The following BICD1 variants were observed in gnomAD, a reference collection of about 807,000 sequenced individuals.
BICD1 encodes the protein BICD cargo adaptor 1, also known as protein bicaudal D homolog 1.
In BICD1, 35 loss-of-function variants were observed where a neutral mutation model predicts 92.5. The ratio of observed to expected loss-of-function variants is 0.38; its 90% CI spans 0.29 to 0.50. The LOEUF is 0.50. BICD1 is among the 20% of genes least tolerant of loss of function. The pLI is 0.93. For missense variants in BICD1, 950 were observed against 1,189.8 expected (o/e 0.80, Z 2.97); for synonymous variants, 429 against 465.1 (o/e 0.92, Z 1.00).
intron 2 of BICD1, among the ~76,000 whole-genome samples, chr12:32,283,803 A>G (rs1180524036): frequency 6.6e-6 from 1 of 152,210 alleles, no homozygotes; most frequent in African/African-American, 2.4e-5. Flanking sequence ...TTGAGGATTG[A>G]GAAGTCTGGG....
intron 1 of BICD1, among the ~76,000 whole-genome samples, chr12:32,177,748 A>ACATAAATATATTTATATATT (rs1944151793): frequency 7.2e-6 from 1 of 138,058 alleles, no homozygotes; most frequent in Non-Finnish European, 1.5e-5. Flanking sequence ...TATATAAAAT[A>ACATAAATATATTTATATATT]TATATAAATA....
intron 1 of BICD1, among the ~76,000 whole-genome samples, chr12:32,192,059 A>G (rs1944584536): frequency 6.6e-6 from 1 of 152,206 alleles, no homozygotes; most frequent in South Asian, 2.1e-4. Context: ...AGATAGGCCT[A>G]TTGTGTCAAA....
At chr12:32,340,235 T>C (rs1938311475) in intron 8 of BICD1, 1 of 985,326 alleles carries the variant, frequency 1.0e-6, no homozygotes, top group Admixed American at 6.1e-5. Flanking sequence ...TTTCACGTTC[T>C]AAAGGTGTTT....
chr12:32,365,784 G>A (rs1367108183), intron 8 of BICD1, among the ~76,000 whole-genome samples: 2 of 152,156 alleles, frequency 1.3e-5, no homozygotes, highest in Non-Finnish European at 2.9e-5. Flanking sequence ...AAGGAGCAAA[G>A]ATTTTTAAAA....
At chr12:32,273,402 A>T (rs1301415266) in intron 2 of BICD1, among the ~76,000 whole-genome samples, 1 of 152,304 alleles carries the variant, frequency 6.6e-6, no homozygotes, top group African/African-American at 2.4e-5. Flanking sequence ...GTACCAGCAG[A>T]CACAGAGGGG....
At chr12:32,326,697 C>G (rs1246968927) in intron 4 of BICD1, among the ~76,000 whole-genome samples, 1 of 152,112 alleles carries the variant, frequency 6.6e-6, no homozygotes, top group Non-Finnish European at 1.5e-5. Context: ...CCAGCCTGGA[C>G]AACATAGCAA....
chr12:32,226,907 G>A (rs1340181864), intron 2 of BICD1, among the ~76,000 whole-genome samples: 1 of 152,204 alleles, frequency 6.6e-6, no homozygotes, highest in Non-Finnish European at 1.5e-5. Flanking sequence ...AGCCTGGCGG[G>A]GAAGGGAATG....
chr12:32,254,628 G>T (rs1409099476), intron 2 of BICD1, among the ~76,000 whole-genome samples: 2 of 152,184 alleles, frequency 1.3e-5, no homozygotes, highest in Non-Finnish European at 2.9e-5. Context: ...GCAGCACATT[G>T]TGTGGTCACT....
At chr12:32,359,334 T>A (rs1008026689) in intron 8 of BICD1, among the ~76,000 whole-genome samples, 1 of 152,164 alleles carries the variant, frequency 6.6e-6, no homozygotes, top group Non-Finnish European at 1.5e-5. Flanking sequence ...AGAAAAGGAA[T>A]TTGTCATTTG....
intron 2 of BICD1, among the ~76,000 whole-genome samples, chr12:32,256,411 AT>A (rs1380655483): frequency 2.0e-5 from 3 of 152,164 alleles, no homozygotes; most frequent in African/African-American, 7.2e-5. Flanking sequence ...TATGATTATC[AT>A]CCCCACTTTG....
Position 32,305,391 on chromosome 12 carries a change from ACT to A in BICD1, c.580-303_580-302del, listed in dbSNP as rs534955594. Among the ~76,000 whole-genome samples, 6 of 151,846 alleles carry A rather than the reference ACT, an allele frequency of 4.0e-5. No individual in the cohort carries two copies. The East Asian group carries it at 9.7e-4, about 25-fold the overall frequency. Reference sequence around the variant, plus strand: ...TATGAAAGAAATCCTAAGACAATAGACTCTTCATCTCTGCTAAAAATTGAATT... The same window carrying A: ...TATGAAAGAAATCCTAAGACAATAGACTTCATCTCTGCTAAAAATTGAATT... On this transcript the variant is annotated intron_variant, in intron 3 of 9. Transcript: ENST00000652176.
rs113039949 is a variant in BICD1, at chr12:32,293,888, C to T, written c.427-106C>T. ...TTCGAAAAAATGCAGTAACAATTTA[C>T]ACCCCATGAGGTGTTTTTATTATTA... On this transcript the variant is annotated intron_variant, in intron 2 of 9. Coordinates refer to ENST00000652176, the MANE Select transcript of BICD1 (RefSeq NM_001714.4). 2.4e-4 allele frequency: 283 copies of T among 1,164,662 alleles called. 1 individual carries two copies. In the African/African-American group the frequency reaches 4.1e-3, roughly 17 times the overall value. 72.1% of individuals were successfully genotyped at this position (1,164,662 alleles called of 1,614,324 possible).
intron 2 of BICD1, among the ~76,000 whole-genome samples, chr12:32,252,082 T>TATGAA (rs58415327): frequency 3.9e-5 from 1 of 25,908 alleles, no homozygotes; most frequent in Non-Finnish European, 6.9e-5. Flanking sequence ...TAATATATAT[T>TATGAA]TATAAATATA....
Position 32,367,694 on chromosome 12 carries a change from T to A in BICD1, c.2789T>A (p.Val930Glu), listed in dbSNP as rs919170528. The A allele has an allele frequency of 6.2e-7, 1 of 1,614,050 alleles. No individual in the cohort carries two copies. The highest frequency in any genetic ancestry group is 1.3e-5 in the African/African-American group (1 of 74,950). The change falls in exon 9 of 10, where the codon GTA becomes GAA. Residue 930 changes from valine to glutamate, a missense_variant. Coordinates refer to ENST00000652176, the MANE Select transcript of BICD1 (RefSeq NM_001714.4). The part of the protein sequence containing the change: ...PPDCQQPAAS[V>E]PPQCSQLAGR... ...GATTGTCAGCAGCCTGCTGCCTCCG[T>A]ACCGCCACAGTGCTCACAACTAGCC...
At chr12:32,140,717 A>AC (rs1942889834) in intron 1 of BICD1, among the ~76,000 whole-genome samples, 2 of 152,262 alleles carry the variant, frequency 1.3e-5, no homozygotes, top group Non-Finnish European at 2.9e-5. Context: ...AAAAAGCAAA[A>AC]TGTTGGGGTT....
chr12:32,263,230 C>T (rs750361661), intron 2 of BICD1, among the ~76,000 whole-genome samples: 1 of 152,074 alleles, frequency 6.6e-6, no homozygotes, highest in East Asian at 1.9e-4. Flanking sequence ...CAAAGGACTT[C>T]TATTTCATGA....
intron 1 of BICD1, among the ~76,000 whole-genome samples, chr12:32,126,867 C>A (rs1374489802): frequency 6.6e-6 from 1 of 152,154 alleles, no homozygotes; most frequent in Non-Finnish European, 1.5e-5. Context: ...TCACTTCATA[C>A]CTTGTGGCTC....
chr12:32,352,093 T>C (rs1049042597), intron 8 of BICD1, among the ~76,000 whole-genome samples: 7 of 151,596 alleles, frequency 4.6e-5, no homozygotes, highest in Non-Finnish European at 8.8e-5. Flanking sequence ...TAATCCCAGC[T>C]ACTCAGGAGG....
rs1948429859 is a variant in BICD1 at position 32,313,512 on chromosome 12, G to A, written c.1005+7390G>A. On this transcript the variant is annotated intron_variant, in intron 4 of 9. Coordinates refer to ENST00000652176, the MANE Select transcript of BICD1 (RefSeq NM_001714.4). The surrounding 1 kb of genome is among the most constrained non-coding windows in gnomAD (Gnocchi z 4.2). ...GTGGAGTTGCTACACAGAGACAGTC[G>A]AACAAGTGAAATATTATCTCTGCTT... Among the ~76,000 whole-genome samples, 1 of 152,058 alleles carries A rather than the reference G, an allele frequency of 6.6e-6. No individual in the cohort carries two copies. The highest frequency in any genetic ancestry group is 6.6e-5 in the Admixed American group (1 of 15,258).
Sources: allele counts gnomAD v4.1 joint callset (sites outside exome capture counted in the v4.1 genomes callset), GRCh38; gene constraint gnomAD v4.1.1; non-coding constraint Gnocchi (gnomAD v3.1); transcripts MANE v1.5; gene names NCBI Gene and HGNC (gene_info 2026-07-23, HGNC 2026-07-21).